CNTN5: variants seen among roughly 807,000 people sequenced by gnomAD.
The protein encoded by CNTN5 is contactin-5.
Under a neutral mutation model 129.1 loss-of-function variants are expected in CNTN5, and 77 were observed. The ratio of observed to expected loss-of-function variants is 0.60; its 90% CI spans 0.50 to 0.72. The LOEUF (loss-of-function observed/expected upper bound fraction) is 0.72, where lower values mean the gene tolerates loss of function less well. CNTN5 is among the 30% of genes least tolerant of loss of function. The probability of loss-of-function intolerance (pLI) is 0.00; values close to 1 mark genes in which losing one functional copy is unlikely to be tolerated. For missense variants in CNTN5, 1,478 were observed against 1,328.8 expected (o/e 1.11, Z -1.75); for synonymous variants, 509 against 465.6 (o/e 1.09, Z -1.20).
intron 3 of CNTN5, among the ~76,000 whole-genome samples, chr11:99,609,681 T>C (rs2135726013): frequency 6.6e-6 from 1 of 152,268 alleles, no homozygotes; most frequent in South Asian, 2.1e-4. Flanking sequence ...GAACTTTAGA[T>C]TATTGAGATA....
intron 3 of CNTN5, among the ~76,000 whole-genome samples, chr11:99,714,578 C>T (rs891340072): frequency 6.6e-6 from 1 of 151,808 alleles, no homozygotes. Context: ...TTTTAACATG[C>T]ATTATCTTAA....
chr11:99,472,724 A>G (rs1340860854), intron 2 of CNTN5, among the ~76,000 whole-genome samples: 1 of 152,050 alleles, frequency 6.6e-6, no homozygotes, highest in East Asian at 1.9e-4. Context: ...GCTGAAGTGC[A>G]GTGGTATGAT....
At chr11:99,573,639 T>A (rs1949252171) in intron 3 of CNTN5, among the ~76,000 whole-genome samples, 1 of 151,964 alleles carries the variant, frequency 6.6e-6, no homozygotes, top group Non-Finnish European at 1.5e-5. Context: ...GGAATGAATT[T>A]TTTTCTATTG....
At chr11:99,454,817 G>A (rs1449880279) in intron 2 of CNTN5, among the ~76,000 whole-genome samples, 1 of 152,018 alleles carries the variant, frequency 6.6e-6, no homozygotes, top group Middle Eastern at 3.2e-3. Context: ...GATTGGCTAT[G>A]AAGGATACTG....
At chr11:99,026,840 A>G (rs888273460) in intron 1 of CNTN5, among the ~76,000 whole-genome samples, 16 of 151,652 alleles carry the variant, frequency 1.1e-4, no homozygotes, top group Non-Finnish European at 1.5e-5. Context: ...TAGACTGTGG[A>G]CATCTTGATT....
At chr11:99,067,319 AT>A (rs1427216957) in intron 1 of CNTN5, among the ~76,000 whole-genome samples, 2 of 151,970 alleles carry the variant, frequency 1.3e-5, no homozygotes, top group African/African-American at 4.8e-5. Flanking sequence ...GCAGCCTCAC[AT>A]TTTTATTTTC....
At chr11:99,555,979 A>G (rs1341353105) in intron 2 of CNTN5, among the ~76,000 whole-genome samples, 166 bp from the exon 3 acceptor site, 1 of 151,894 alleles carries the variant, frequency 6.6e-6, no homozygotes, top group Non-Finnish European at 1.5e-5. Context: ...TATTACATGA[A>G]TTCTAACAGA....
chr11:99,057,417 T>C (rs1223343447), intron 1 of CNTN5, among the ~76,000 whole-genome samples: 1 of 151,850 alleles, frequency 6.6e-6, no homozygotes, highest in Non-Finnish European at 1.5e-5. Flanking sequence ...TGATTCTTTC[T>C]GGTCCTTTCT....
At chr11:99,206,042 G>A (rs995261337) in intron 1 of CNTN5, among the ~76,000 whole-genome samples, 3 of 152,034 alleles carry the variant, frequency 2.0e-5, no homozygotes, top group African/African-American at 7.2e-5. Flanking sequence ...TCCTCTGTGA[G>A]GTCTCAAAAC....
At chr11:100,004,311 T>C (rs949061215) in intron 9 of CNTN5, among the ~76,000 whole-genome samples, 5 of 152,142 alleles carry the variant, frequency 3.3e-5, no homozygotes, top group African/African-American at 1.2e-4. Flanking sequence ...TTTTTTTGTC[T>C]TGTGGCCTTT....
intron 1 of CNTN5, among the ~76,000 whole-genome samples, chr11:99,281,119 T>A (rs144877651): frequency 6.6e-6 from 1 of 151,768 alleles, no homozygotes; most frequent in Non-Finnish European, 1.5e-5. Context: ...CAAGAAAATG[T>A]CAAAGACAGG....
intron 2 of CNTN5, among the ~76,000 whole-genome samples, chr11:99,514,776 T>G (rs1946982342): frequency 6.6e-6 from 1 of 152,090 alleles, no homozygotes; most frequent in Non-Finnish European, 1.5e-5. Flanking sequence ...AAAAAGCTAG[T>G]GTGACTTGTT....
chr11:100,036,441 G>C (rs1193771418), intron 9 of CNTN5, among the ~76,000 whole-genome samples: 1 of 151,678 alleles, frequency 6.6e-6, no homozygotes, highest in African/African-American at 2.4e-5. Context: ...GGATTGACTT[G>C]GCGATGCGGG....
At chr11:99,579,228 T>C (rs570417741) in intron 3 of CNTN5, among the ~76,000 whole-genome samples, 152 of 152,276 alleles carry the variant, frequency 1.0e-3, no homozygotes, top group Admixed American at 1.6e-3. Context: ...TTTTGGTTAC[T>C]GTAGCCTTGT....
chr11:99,251,059 G>A (rs947597561), intron 1 of CNTN5, among the ~76,000 whole-genome samples: 5 of 151,792 alleles, frequency 3.3e-5, no homozygotes, highest in African/African-American at 4.8e-5. Context: ...TAACTTTGCC[G>A]ATGCCACAAT....
intron 1 of CNTN5, among the ~76,000 whole-genome samples, chr11:99,180,614 C>T (rs749820117): frequency 6.6e-6 from 1 of 152,136 alleles, no homozygotes; most frequent in Non-Finnish European, 1.5e-5. Flanking sequence ...CAACCTGTTT[C>T]GGGACTTGGT....
chr11:99,381,756 T>G (rs2136161307), intron 2 of CNTN5, among the ~76,000 whole-genome samples: 1 of 152,338 alleles, frequency 6.6e-6, no homozygotes, highest in South Asian at 2.1e-4. Context: ...AATGGTTTTC[T>G]TAGAGCTCAT....
chr11:99,778,464 A>G (rs1656760105), intron 3 of CNTN5, among the ~76,000 whole-genome samples: 1 of 151,872 alleles, frequency 6.6e-6, no homozygotes, highest in African/African-American at 2.4e-5. Flanking sequence ...ATTAATGTAT[A>G]TTAGAATAGA....
intron 1 of CNTN5, among the ~76,000 whole-genome samples, chr11:99,274,202 C>T (rs138558789): frequency 1.1e-4 from 17 of 151,734 alleles, no homozygotes; most frequent in African/African-American, 3.9e-4. Flanking sequence ...AGTTTAGGAG[C>T]AGTAAGCTTA....
Sources: allele counts gnomAD v4.1 joint callset (sites outside exome capture counted in the v4.1 genomes callset), GRCh38; gene constraint gnomAD v4.1.1; transcripts MANE v1.5; gene names NCBI Gene and HGNC (gene_info 2026-07-23, HGNC 2026-07-21).